RACK1: variants seen among roughly 807,000 people sequenced by gnomAD.
The protein encoded by RACK1 is receptor for activated C kinase 1, also known as small ribosomal subunit protein RACK1.
RACK1 carries 3 observed loss-of-function variants against 42.2 expected under a neutral mutation model. The ratio of observed to expected loss-of-function variants is 0.07; its 90% CI spans 0.03 to 0.18. The LOEUF is 0.18. Among genes scored for constraint, RACK1 ranks in the 10% least tolerant of loss-of-function variants. The probability of loss-of-function intolerance (pLI) is 1.00; values close to 1 mark genes in which losing one functional copy is unlikely to be tolerated. For missense variants in RACK1, 146 were observed against 403.2 expected (o/e 0.36, Z 5.46); for synonymous variants, 181 against 154.8 (o/e 1.17, Z -1.25).
chr5:181,237,995 AAGCTT>A, intron 6 of RACK1, 99 bp downstream of exon 6: 2 of 1,261,290 alleles, frequency 1.6e-6, no homozygotes, highest in Non-Finnish European at 2.3e-6. Context: ...GAGGCTGAGA[AAGCTT>A]AGCTCCCAGG....
chr5:181,241,774 A>C, intron 2 of RACK1, 135 bp from the exon 3 acceptor site: 2 of 936,942 alleles, frequency 2.1e-6, no homozygotes, highest in Non-Finnish European at 3.5e-6. Context: ...CACAGAGTCA[A>C]GTGACTGAGT....
At chr5:181,238,798 CA>C (rs547878281) in intron 5 of RACK1, 260 of 348,178 alleles carry the variant, frequency 7.5e-4, no homozygotes, top group Middle Eastern at 1.9e-3. Flanking sequence ...GACTCCGTCT[CA>C]AAAAAAAAAC....
Position 181,243,729 on chromosome 5 carries a change from G to C in RACK1, c.72C>G (p.Thr24=), listed in dbSNP as rs754057723. The change falls in exon 1 of 8, where the codon ACC becomes ACG. Residue 24 remains threonine, a synonymous_variant. Transcript: ENST00000512805. ...AGAGGATCATGTCCGGGAACTGCGG[G>C]GTAGTAGCGATCTGGGTTACCCAGC... ...HNGWVTQIAT[T]PQFPDMILSA... The C allele has an allele frequency of 3.1e-6, 5 of 1,609,598 alleles. No individual in the cohort carries two copies. The East Asian group carries it at 6.7e-5, about 22-fold the overall frequency.
chr5:181,243,875 C>T lies in RACK1; in HGVS notation c.-75G>A. 2.7e-6 allele frequency: 4 copies of T among 1,502,576 alleles called. No individual in the cohort carries two copies. Among genetic ancestry groups the T allele is most frequent in the Non-Finnish European group, 1.8e-6 (2 of 1,121,716 alleles). 93.1% of individuals were successfully genotyped at this position (1,502,576 alleles called of 1,614,324 possible). A position where few individuals can be genotyped will look rare whatever the true frequency, so the allele number is the denominator to read the frequency against. On this transcript the variant is annotated 5_prime_UTR_variant, in exon 1 of 8. Transcript: ENST00000512805. ...GGCTTAGAGAAACTAGCACCACAAC[C>T]TCTCCTGCCGCCGCCTTGCAGTGAA...
intron 1 of RACK1, 26 bp from the exon 2 acceptor site, chr5:181,242,371 A>G: frequency 1.3e-6 from 2 of 1,540,718 alleles, no homozygotes; most frequent in Non-Finnish European, 8.9e-7. Flanking sequence ...CAGAAGAAAA[A>G]TCAGTGAGGA....
intron 5 of RACK1, 184 bp downstream of exon 5, chr5:181,238,883 G>T (rs892266583): frequency 3.0e-6 from 2 of 673,940 alleles, no homozygotes; most frequent in South Asian, 3.0e-5. Context: ...CTTCCAGATA[G>T]TATGCCTTAA....
intron 4 of RACK1, 35 bp downstream of exon 4, chr5:181,239,452 G>T: frequency 6.8e-7 from 1 of 1,479,806 alleles, no homozygotes; most frequent in South Asian, 1.1e-5. Flanking sequence ...AGCACACCCT[G>T]ACTGGTAAAG....
chr5:181,237,807 G>C, intron 6 of RACK1, 88 bp from the exon 7 acceptor site: 2 of 817,400 alleles, frequency 2.4e-6, no homozygotes, highest in Non-Finnish European at 4.2e-6. Flanking sequence ...AGTTAAAAAG[G>C]GATGATTTTG....
In RACK1 at chr5:181,238,990, A is replaced by C. The variant is rs775754558; in HGVS notation, c.636+77T>G. 6 of 908,162 alleles carry C rather than the reference A, an allele frequency of 6.6e-6. No individual in the cohort carries two copies. In the East Asian group the frequency reaches 1.4e-4, roughly 22 times the overall value. 56.3% of individuals were successfully genotyped at this position (908,162 alleles called of 1,614,324 possible). A position where few individuals can be genotyped will look rare whatever the true frequency, so the allele number is the denominator to read the frequency against. Reference sequence around the variant, plus strand: ...CATCTTGGCTAATGTTTGCCATTTTACGTTAGAGACGCTGGCTAAGTGCTC... The same window carrying C: ...CATCTTGGCTAATGTTTGCCATTTTCCGTTAGAGACGCTGGCTAAGTGCTC... On this transcript the variant is annotated intron_variant, in intron 5 of 7. Coordinates refer to ENST00000512805, the MANE Select transcript of RACK1 (RefSeq NM_006098.5).
At chr5:181,239,201 G>T (rs199652309) in intron 4 of RACK1, 24 bp from the exon 5 acceptor site, 539 of 1,469,118 alleles carry the variant, frequency 3.7e-4, no homozygotes, top group Non-Finnish European at 4.8e-4. Flanking sequence ...CGGTTGACAG[G>T]TGAACATCCT....
rs1759373740 is a variant in RACK1, at chr5:181,242,287, C to T, written c.168G>A (p.Gln56=). ...AGTGGGAGTGACCCCGCAGAGCACG[C>T]TGTGGAATTCCATAGTTGGTCTCAT... is the stretch of plus-strand genomic sequence containing the variant. ...TRDETNYGIP[Q]RALRGHSHFV... is the part of the protein sequence containing the mutation. Residue 56 remains glutamine, a synonymous_variant, in exon 2 of 8, where the codon CAG becomes CAA. Transcript: ENST00000512805. 1.9e-6 allele frequency: 3 copies of T among 1,613,804 alleles called. No homozygotes were observed. Among genetic ancestry groups the T allele is most frequent in the South Asian group, 2.2e-5 (2 of 91,092 alleles).
intron 2 of RACK1, 196 bp from the exon 3 acceptor site, chr5:181,241,835 C>A (rs1759358354): frequency 2.6e-6 from 2 of 783,292 alleles, no homozygotes; most frequent in Non-Finnish European, 4.6e-6. Context: ...AATTGCAGGA[C>A]ATGTCCTCAC....
chr5:181,239,703 AC>A (rs1357100362), intron 3 of RACK1, 121 bp from the exon 4 acceptor site: 1 of 631,086 alleles, frequency 1.6e-6, no homozygotes, highest in Non-Finnish European at 2.8e-6. Flanking sequence ...AAGAACCCAA[AC>A]CTTTAAGCTC....
chr5:181,241,714 TTGTCTC>T, intron 2 of RACK1, 75 bp from the exon 3 acceptor site: 1 of 1,508,528 alleles, frequency 6.6e-7, no homozygotes, highest in East Asian at 2.3e-5. Flanking sequence ...TTCCTGGGCT[TTGTCTC>T]TGTCTCATTG....
chr5:181,242,391 C>G (rs1284100489), intron 1 of RACK1, 46 bp from the exon 2 acceptor site: 10 of 1,304,784 alleles, frequency 7.7e-6, no homozygotes, highest in Non-Finnish European at 1.1e-5. Flanking sequence ...AACCCGCAGC[C>G]CGTTTAACAC....
chr5:181,238,828 AAAACAAC>A (rs1459787344), intron 5 of RACK1: 69 of 483,426 alleles, frequency 1.4e-4, no homozygotes, highest in Non-Finnish European at 7.2e-5. Context: ...AACAAACAAA[AAAACAAC>A]AAAAAAAACC....
intron 1 of RACK1, chr5:181,243,037 T>C (rs1759411038): frequency 2.8e-6 from 1 of 355,618 alleles, no homozygotes; most frequent in East Asian, 7.6e-5. Context: ...TAGTAATGAA[T>C]GCTGGAAAAG....
chr5:181,239,934 A>C (rs528274661), intron 3 of RACK1, among the ~76,000 whole-genome samples: 1 of 152,192 alleles, frequency 6.6e-6, no homozygotes, highest in East Asian at 1.9e-4. Context: ...AATCCCAGCT[A>C]CTGGGGAGGC....
intron 2 of RACK1, 103 bp from the exon 3 acceptor site, chr5:181,241,742 C>A (rs1436350961): frequency 1.6e-6 from 2 of 1,279,766 alleles, no homozygotes; most frequent in Non-Finnish European, 2.3e-6. Flanking sequence ...ATCACTCATA[C>A]AACCCTGGAT....
Sources: allele counts gnomAD v4.1 joint callset (sites outside exome capture counted in the v4.1 genomes callset), GRCh38; gene constraint gnomAD v4.1.1; transcripts MANE v1.5; gene names NCBI Gene and HGNC (gene_info 2026-07-23, HGNC 2026-07-21).